The following RBFOX1 variants were observed in gnomAD, a reference collection of about 807,000 sequenced individuals.
RBFOX1 encodes the protein RNA binding protein fox-1 homolog 1.
A neutral mutation model predicts 57.7 loss-of-function variants in RBFOX1; 8 were observed. That is an observed-to-expected ratio of 0.14 (90% CI 0.08 to 0.25). The LOEUF (loss-of-function observed/expected upper bound fraction) is 0.25, where lower values mean the gene tolerates loss of function less well. Among genes scored for constraint, RBFOX1 ranks in the 10% least tolerant of loss-of-function variants. The probability of loss-of-function intolerance (pLI) is 1.00; values close to 1 mark genes in which losing one functional copy is unlikely to be tolerated. For missense variants in RBFOX1, 611 were observed against 548.5 expected (o/e 1.11, Z -1.14); for synonymous variants, 326 against 222.4 (o/e 1.47, Z -4.15).
chr16:7,570,798 G>A (rs1292310585), intron 5 of RBFOX1, among the ~76,000 whole-genome samples: 1 of 152,172 alleles, frequency 6.6e-6, no homozygotes, highest in South Asian at 2.1e-4. Context: ...TATGTTCACT[G>A]CAGCACTATT....
At chr16:7,016,559 A>G (rs1199190932) in intron 3 of RBFOX1, among the ~76,000 whole-genome samples, 1 of 152,170 alleles carries the variant, frequency 6.6e-6, no homozygotes, top group Non-Finnish European at 1.5e-5. Flanking sequence ...CGTTTTGCAT[A>G]TATCATCTCA....
chr16:5,505,715 C>T (rs2043355198), intron 2 of RBFOX1, among the ~76,000 whole-genome samples: 1 of 152,152 alleles, frequency 6.6e-6, no homozygotes, highest in Non-Finnish European at 1.5e-5. Flanking sequence ...CTTACATTGT[C>T]CAGGAAGCGG....
At chr16:7,056,899 A>G (rs2052484586) in intron 4 of RBFOX1, among the ~76,000 whole-genome samples, 1 of 152,090 alleles carries the variant, frequency 6.6e-6, no homozygotes, top group Non-Finnish European at 1.5e-5. Context: ...AAGCACTGGT[A>G]TGGACTTAGG....
intron 3 of RBFOX1, among the ~76,000 whole-genome samples, chr16:6,802,191 C>G (rs1322925241): frequency 6.6e-6 from 1 of 152,048 alleles, no homozygotes; most frequent in Non-Finnish European, 1.5e-5. Context: ...TGCATCCCAG[C>G]CTTTGTAGAT....
rs192161667 is a variant in RBFOX1 at position 7,008,644 on chromosome 16, T to C, written c.-15-43413T>C. 7.1e-3 allele frequency among the ~76,000 whole-genome samples: 207 copies of C among 29,144 alleles called. 2 individuals are homozygous for C. The highest frequency in any genetic ancestry group is 0.038 in the Middle Eastern group (2 of 52). The allele number at this position is 29,144 out of a possible 152,430, so 19.1% of individuals were successfully genotyped here. A position where few individuals can be genotyped will look rare whatever the true frequency, so the allele number is the denominator to read the frequency against. On this transcript the variant is annotated intron_variant, in intron 3 of 15. Coordinates refer to ENST00000550418, the MANE Select transcript of RBFOX1 (RefSeq NM_018723.4). ...TCCCTCCCTCCCTTCCTCCCTCCCT[T>C]CCTTCCTCCTCCCTTCCTCCCTCCC...
At chr16:5,867,166 G>GTGTGTA in intron 3 of RBFOX1, 1 of 411,194 alleles carries the variant, frequency 2.4e-6, no homozygotes, top group Non-Finnish European at 4.2e-6. Context: ...GTGTGTGTGT[G>GTGTGTA]TGTGTGTGGT....
At chr16:5,480,946 A>G (rs908270257) in intron 2 of RBFOX1, among the ~76,000 whole-genome samples, 6 of 152,244 alleles carry the variant, frequency 3.9e-5, no homozygotes, top group Non-Finnish European at 7.3e-5. Flanking sequence ...TGTAGTATAT[A>G]TTCTGGAGGT....
At chr16:6,070,731 T>C (rs1172707513) in intron 1 of RBFOX1, among the ~76,000 whole-genome samples, 1 of 152,138 alleles carries the variant, frequency 6.6e-6, no homozygotes, top group Non-Finnish European at 1.5e-5. Context: ...CCTTTATCAT[T>C]GCAATTCATA....
At chr16:7,492,807 G>T (rs1049286185) in intron 4 of RBFOX1, among the ~76,000 whole-genome samples, 2 of 152,094 alleles carry the variant, frequency 1.3e-5, no homozygotes, top group African/African-American at 4.8e-5. Flanking sequence ...TGACATGCCT[G>T]CTTCTGCTTC....
At chr16:6,583,243 A>G (rs913399003) in intron 2 of RBFOX1, among the ~76,000 whole-genome samples, 1 of 152,174 alleles carries the variant, frequency 6.6e-6, no homozygotes, top group Non-Finnish European at 1.5e-5. Flanking sequence ...TCCGGGGCAC[A>G]TGGCACTCAT....
intron 3 of RBFOX1, among the ~76,000 whole-genome samples, chr16:6,833,191 G>A (rs981783232): frequency 1.3e-5 from 2 of 150,274 alleles, no homozygotes; most frequent in Admixed American, 6.7e-5. Context: ...ACTGAGACGG[G>A]GTCTTTTTCT....
intron 1 of RBFOX1, among the ~76,000 whole-genome samples, chr16:6,296,545 C>T (rs994467814): frequency 5.9e-5 from 9 of 151,944 alleles, no homozygotes; most frequent in Non-Finnish European, 1.0e-4. Context: ...CTCAGCCTCC[C>T]GTGTAGCTGG....
chr16:5,929,495 G>A (rs1056361331), intron 4 of RBFOX1, among the ~76,000 whole-genome samples: 2 of 152,132 alleles, frequency 1.3e-5, no homozygotes, highest in African/African-American at 4.8e-5. Context: ...TGACATTAGA[G>A]TGTCTTTGAA....
At chr16:7,449,043 C>T (rs912105891) in intron 4 of RBFOX1, among the ~76,000 whole-genome samples, 4 of 136,246 alleles carry the variant, frequency 2.9e-5, no homozygotes, top group East Asian at 2.4e-4. Flanking sequence ...GATTTTTCTG[C>T]GTCAGTCTCC....
chr16:6,823,997 CA>C (rs1478979449), intron 3 of RBFOX1, among the ~76,000 whole-genome samples: 1 of 152,172 alleles, frequency 6.6e-6, no homozygotes, highest in Admixed American at 6.5e-5. Flanking sequence ...GAGCTGGCCC[CA>C]TGAATGAAAG....
intron 3 of RBFOX1, among the ~76,000 whole-genome samples, chr16:6,882,367 G>C (rs1448343672): frequency 6.6e-6 from 1 of 152,050 alleles, no homozygotes; most frequent in Non-Finnish European, 1.5e-5. Flanking sequence ...TTACAGTTTA[G>C]TCACCTAACC....
At chr16:5,810,326 A>G (rs541825895) in intron 3 of RBFOX1, among the ~76,000 whole-genome samples, 7 of 152,162 alleles carry the variant, frequency 4.6e-5, no homozygotes, top group African/African-American at 1.7e-4. Context: ...AAAGTATAAT[A>G]ATAATTAAAA....
At chr16:6,574,999 C>G (rs1274305823) in intron 2 of RBFOX1, among the ~76,000 whole-genome samples, 2 of 150,182 alleles carry the variant, frequency 1.3e-5, no homozygotes, top group Non-Finnish European at 3.0e-5. Context: ...GATGGCACCA[C>G]TGCACTCCAG....
intron 2 of RBFOX1, among the ~76,000 whole-genome samples, chr16:6,634,428 T>C (rs1486586927): frequency 6.6e-6 from 1 of 151,800 alleles, no homozygotes. Context: ...ATAATCACTG[T>C]GGCTGCCTCC....
Sources: gnomAD v4.1 joint callset for allele counts (sites outside exome capture counted in the v4.1 genomes callset) on GRCh38, gnomAD v4.1.1 for gene constraint, MANE v1.5 for transcripts, NCBI Gene and HGNC (gene_info 2026-07-23, HGNC 2026-07-21) for gene names.